Variants in TBC1D21 observed in about 807,000 individuals in gnomAD.
TBC1D21 encodes male germ cell Rab GTPase-activating protein.
TBC1D21 carries 38 observed loss-of-function variants against 46.0 expected under a neutral mutation model. The ratio of observed to expected loss-of-function variants is 0.83; its 90% confidence interval spans 0.64 to 1.08. TBC1D21 has a LOEUF of 1.08. TBC1D21 is among the 50% of genes least tolerant of loss of function. TBC1D21 has a pLI of 0.00. For synonymous variants in TBC1D21, 151 were observed against 157.2 expected, an observed-to-expected ratio of 0.96 and a Z score of 0.29; for missense variants, 415 against 417.9, an observed-to-expected ratio of 0.99 and a Z score of 0.06.
chr15:73,907,392 GC>G, the TBC1D21 span, among the ~76,000 whole-genome samples: 1 of 152,212 alleles, frequency 6.6e-6, no homozygotes, highest in African/African-American at 2.4e-5. Flanking sequence ...TGAGAGGGCA[GC>G]TTTAGAAAGT....
intron 5 of TBC1D21, 36 bp downstream of exon 5, chr15:73,884,927 G>A (rs753490447): frequency 1.2e-6 from 2 of 1,611,400 alleles, no homozygotes; most frequent in East Asian, 4.5e-5. Context: ...TGCCCTCCCA[G>A]GACCTGGCCC....
At chr15:73,896,499 G>A in the TBC1D21 span, among the ~76,000 whole-genome samples, 7 of 151,952 alleles carry the variant, frequency 4.6e-5, no homozygotes, top group South Asian at 6.2e-4. Context: ...GAGCAGTGGC[G>A]GAGAAGATGA....
rs2068223760 is a variant in TBC1D21 at position 73,885,220 on chromosome 15, G to A, written c.579+117G>A. ...CCAGCCATTCCTTCCAGGCTTCTGG[G>A]TCTCAGAGGAGCCTGGGAGGGTGAC... On this transcript the variant is annotated intron_variant, in intron 6 of 10. Transcript: ENST00000300504. The A allele has an allele frequency of 1.2e-5, 11 of 916,910 alleles. 1 individual carries two copies. The South Asian group carries it at 1.6e-4, about 13-fold the overall frequency. 56.8% of individuals were successfully genotyped at this position (916,910 alleles called of 1,614,324 possible). A position where few individuals can be genotyped will look rare whatever the true frequency, so the allele number is the denominator to read the frequency against.
In TBC1D21 at chr15:73,886,138, A is replaced by T; in HGVS notation, c.640A>T (p.Ile214Phe). ...GAACCTAGACATGCTCAGCACCCTG[A>T]TCACCTTCCTGGACCCCGTGTTTGC... ...AKNLDMLSTLITFLDPVFAEH... is the reference protein window; with the variant it reads ...AKNLDMLSTLFTFLDPVFAEH... The change falls in exon 7 of 11, where the codon ATC (isoleucine) becomes TTC (phenylalanine). Residue 214 changes from isoleucine (I) to phenylalanine (F), a missense_variant. By Grantham distance (21) the Ile-to-Phe change is conservative. Coordinates refer to ENST00000300504, the MANE Select transcript of TBC1D21 (RefSeq NM_153356.3). The T allele has an allele frequency of 6.2e-7, 1 of 1,614,168 alleles. No individual in the cohort carries two copies. Among genetic ancestry groups the T allele is most frequent in the Non-Finnish European group, 8.5e-7 (1 of 1,180,020 alleles).
At chr15:73,908,514 A>C in the TBC1D21 span, 3 of 152,672 alleles carry the variant, frequency 2.0e-5, no homozygotes, top group East Asian at 5.7e-4. Context: ...CAACCTAGCC[A>C]GAGCAGGTGC....
At chr15:73,876,812 G>GATTTAATCAAATGATTTAAT (rs2068076583) in intron 1 of TBC1D21, among the ~76,000 whole-genome samples, 1 of 151,964 alleles carries the variant, frequency 6.6e-6, no homozygotes, top group Admixed American at 6.6e-5. Context: ...TCATTGTAGG[G>GATTTAATCAAATGATTTAAT]CATTTGATTT....
chr15:73,876,199 G>GGTGTTT (rs2068057275), intron 1 of TBC1D21, among the ~76,000 whole-genome samples: 574 of 28,282 alleles, frequency 0.02, 41 homozygotes, highest in Middle Eastern at 0.2. Flanking sequence ...TTTTTTGTGG[G>GGTGTTT]TTTTTTTTTT....
chr15:73,881,600 G>A (rs2068156076), intron 2 of TBC1D21, 44 bp from the exon 3 acceptor site: 14 of 1,603,086 alleles, frequency 8.7e-6, no homozygotes, highest in African/African-American at 6.7e-5. Context: ...CTTTTGGTAG[G>A]CATCGATAGA....
At chr15:73,889,313 G>A, downstream of TBC1D21, 4 of 571,096 alleles carry the variant, frequency 7.0e-6, no homozygotes, top group South Asian at 4.0e-5. Flanking sequence ...GGCTGGCTGA[G>A]AGACACATTC....
At chr15:73,899,077 G>T in the TBC1D21 span, among the ~76,000 whole-genome samples, 1 of 151,766 alleles carries the variant, frequency 6.6e-6, no homozygotes, top group East Asian at 1.9e-4. Context: ...TCAGAAGCGC[G>T]TGTGGCTAGC....
rs371929907 is a variant in TBC1D21, at chr15:73,873,743, G to T, written c.34G>T (p.Ala12Ser). The T allele has an allele frequency of 6.2e-7, 1 of 1,610,238 alleles. No homozygotes were observed. ...CCTCTCTCCTGAAAACAGCCTCTCT[G>T]CCAGACAGTCAGCCTCCTTCATCCT... ...TTLSPENSLS[A>S]RQSASFILVK... The change falls in exon 1 of 11, where the codon GCC becomes TCC. Residue 12 changes from alanine (A) to serine (S), a missense_variant. Coordinates refer to ENST00000300504, the MANE Select transcript of TBC1D21 (RefSeq NM_153356.3).
the TBC1D21 span, among the ~76,000 whole-genome samples, chr15:73,899,590 G>A: frequency 6.6e-6 from 1 of 152,302 alleles, no homozygotes; most frequent in African/African-American, 2.4e-5. Context: ...GTCTGGAGGT[G>A]GGAGGTGGCG....
At chr15:73,884,549 G>A (rs916320436) in intron 4 of TBC1D21, among the ~76,000 whole-genome samples, 9 of 152,210 alleles carry the variant, frequency 5.9e-5, no homozygotes, top group African/African-American at 1.7e-4. Context: ...GGTGGGGGAG[G>A]ACATTCCTGG....
chr15:73,882,522 C>G (rs552880049), intron 3 of TBC1D21, among the ~76,000 whole-genome samples: 9 of 152,168 alleles, frequency 5.9e-5, no homozygotes, highest in Non-Finnish European at 1.2e-4. Flanking sequence ...TATACCTACT[C>G]CAAGCAGCCC....
At chr15:73,884,652 T>C in intron 4 of TBC1D21, 129 bp from the exon 5 acceptor site, 1 of 665,108 alleles carries the variant, frequency 1.5e-6, no homozygotes, top group Non-Finnish European at 2.6e-6. Flanking sequence ...GGGGCTGATG[T>C]ACCTTTCACA....
At chr15:73,908,939 G>A in the TBC1D21 span, among the ~76,000 whole-genome samples, 4 of 152,192 alleles carry the variant, frequency 2.6e-5, no homozygotes, top group Admixed American at 2.6e-4. Context: ...CATGGACTTG[G>A]GAACCAGACT....
chr15:73,881,359 C>A, intron 1 of TBC1D21, 40 bp from the exon 2 acceptor site: 1 of 1,487,518 alleles, frequency 6.7e-7, no homozygotes, highest in Non-Finnish European at 9.3e-7. Context: ...AAAGCCGAAG[C>A]CTTCTAACAT....
rs2068275434 is a variant in TBC1D21 at position 73,887,706 on chromosome 15, G to T, written c.864G>T (p.Gln288His). 1 of 1,613,850 alleles carries T rather than the reference G, an allele frequency of 6.2e-7. No individual in the cohort carries two copies. Among genetic ancestry groups the T allele is most frequent in the Non-Finnish European group, 8.5e-7 (1 of 1,179,894 alleles). ...AGATGGTGCGGGAGCAGGTGCTGCA[G>T]GAAAGCATGGGCGGGGATGACATCC... ...MLQMVREQVL[Q>H]ESMGGDDILL... The change falls in exon 9 of 11, where the codon CAG becomes CAT. Residue 288 changes from glutamine (Q) to histidine (H), a missense_variant. Gln to His is a conservative substitution (Grantham distance 24). Transcript: ENST00000300504.
chr15:73,890,756 C>G (rs2068330307), downstream of TBC1D21, among the ~76,000 whole-genome samples: 1 of 152,196 alleles, frequency 6.6e-6, no homozygotes, highest in African/African-American at 2.4e-5. Flanking sequence ...TTCTAGACCA[C>G]TTGCTGTCAA....
Sources: allele counts gnomAD v4.1 joint callset (sites outside exome capture counted in the v4.1 genomes callset), GRCh38; gene constraint gnomAD v4.1.1; transcripts MANE v1.5; gene names NCBI Gene and HGNC (gene_info 2026-07-23, HGNC 2026-07-21).